The following CASR variants were observed in gnomAD, a reference collection of about 807,000 sequenced individuals.
The protein encoded by CASR is calcium sensing receptor.
A neutral mutation model predicts 69.1 loss-of-function variants in CASR; 23 were observed. The observed-to-expected ratio is 0.33, with a 90% CI of 0.24 to 0.47. The LOEUF is 0.47. Among genes scored for constraint, CASR ranks in the 20% least tolerant of loss-of-function variants. The probability of loss-of-function intolerance (pLI) is 1.00; values close to 1 mark genes in which losing one functional copy is unlikely to be tolerated. For synonymous variants in CASR, 541 were observed against 544.7 expected (o/e 0.99, Z 0.10); for missense variants, 924 against 1,356.1 (o/e 0.68, Z 5.00).
chr3:122,185,088 A>C (rs1395431719), intron 1 of CASR, among the ~76,000 whole-genome samples: 1 of 152,186 alleles, frequency 6.6e-6, no homozygotes, highest in Non-Finnish European at 1.5e-5. Context: ...TGGGGAGAAA[A>C]AAAAAAGGCA....
At position 122,284,136 on chromosome 3, in the gene CASR, G is replaced by T; in HGVS notation, c.2182G>T (p.Val728Phe). The T allele has an allele frequency of 6.2e-7, 1 of 1,613,798 alleles. No homozygotes were observed. Among genetic ancestry groups the T allele is most frequent in the Non-Finnish European group, 8.5e-7 (1 of 1,179,752 alleles). Residue 728 changes from valine to phenylalanine, a missense_variant, in exon 7 of 7, where the codon GTT becomes TTT. Around this residue, in one of 8 missense-constraint regions of CASR, gnomAD observed 184 missense variants for 278.8 expected, o/e 0.66. Coordinates refer to ENST00000639785, the MANE Select transcript of CASR (RefSeq NM_000388.4). ...WWGLNLQFLL[V>F]FLCTFMQIVI... ...GGGGCTCAACCTGCAGTTCCTGCTG[G>T]TTTTCCTCTGCACCTTCATGCAGAT...
intron 1 of CASR, among the ~76,000 whole-genome samples, chr3:122,235,011 G>C (rs2074315850): frequency 6.6e-6 from 1 of 152,194 alleles, no homozygotes; most frequent in Admixed American, 6.5e-5. Context: ...CCCAAAGAAA[G>C]AGCCCCTGAA....
chr3:122,249,740 G>T (rs1349068131), intron 1 of CASR, among the ~76,000 whole-genome samples: 2 of 152,214 alleles, frequency 1.3e-5, no homozygotes, highest in South Asian at 2.1e-4. Context: ...GATTATATAT[G>T]ATTTAAATGG....
At chr3:122,258,918 G>A (rs1178280337) in intron 3 of CASR, among the ~76,000 whole-genome samples, 2 of 152,120 alleles carry the variant, frequency 1.3e-5, no homozygotes, top group African/African-American at 4.8e-5. Context: ...GTGCAGCTGG[G>A]CTGGGAACCA....
At chr3:122,223,522 C>T (rs944475862) in intron 1 of CASR, among the ~76,000 whole-genome samples, 6 of 152,240 alleles carry the variant, frequency 3.9e-5, no homozygotes, top group Admixed American at 2.6e-4. Flanking sequence ...CTTGAACAGA[C>T]CAATAATGAG....
chr3:122,216,859 A>G (rs2074122099), intron 1 of CASR, among the ~76,000 whole-genome samples: 1 of 152,220 alleles, frequency 6.6e-6, no homozygotes, highest in African/African-American at 2.4e-5. Context: ...ATCATGCATA[A>G]TTTACAAATG....
chr3:122,189,958 A>G (rs1317777774), intron 1 of CASR, among the ~76,000 whole-genome samples: 1 of 152,154 alleles, frequency 6.6e-6, no homozygotes, highest in Non-Finnish European at 1.5e-5. Context: ...TTGGGTCCCA[A>G]CTGCATGTCA....
At chr3:122,278,672 T>C (rs1424584537) in intron 5 of CASR, among the ~76,000 whole-genome samples, 3 of 152,202 alleles carry the variant, frequency 2.0e-5, no homozygotes, top group Non-Finnish European at 2.9e-5. Context: ...TCATGGTTGC[T>C]GAAGGATGCA....
chr3:122,244,165 ATAAC>A (rs1429027068), intron 1 of CASR, among the ~76,000 whole-genome samples: 1 of 152,184 alleles, frequency 6.6e-6, no homozygotes, highest in East Asian at 1.9e-4. Context: ...ACATTTTTAA[ATAAC>A]TAAAAGAAAA....
intron 1 of CASR, among the ~76,000 whole-genome samples, chr3:122,233,699 G>A (rs552754941): frequency 6.6e-6 from 1 of 152,124 alleles, no homozygotes; most frequent in African/African-American, 2.4e-5. Flanking sequence ...GGCGGTTGTG[G>A]TATTTCTGTT....
Position 122,262,301 on chromosome 3 carries a change from A to G in CASR, c.1266A>G (p.Leu422=). Residue 422 remains leucine (L), a synonymous_variant, in exon 4 of 7, where the codon TTA becomes TTG. Coordinates refer to ENST00000639785, the MANE Select transcript of CASR (RefSeq NM_000388.4). ...TACGGATATCCTACAATGTGTACTT[A>G]GCAGTCTACTCCATTGCCCACGCCT... ...THLRISYNVY[L]AVYSIAHALQ... 1 of 1,614,158 alleles carries G rather than the reference A, an allele frequency of 6.2e-7. No homozygotes were observed. The highest frequency in any genetic ancestry group is 1.1e-5 in the South Asian group (1 of 91,084).
chr3:122,251,503 C>T (rs773579043), intron 1 of CASR, among the ~76,000 whole-genome samples: 3 of 152,226 alleles, frequency 2.0e-5, no homozygotes, highest in Non-Finnish European at 4.4e-5. Flanking sequence ...TCCTCATTCA[C>T]CCGAAGGCCT....
chr3:122,251,190 G>T (rs1344092412), intron 1 of CASR, among the ~76,000 whole-genome samples: 2 of 152,186 alleles, frequency 1.3e-5, no homozygotes, highest in Admixed American at 6.5e-5. Flanking sequence ...TTCCTAAGGA[G>T]CAAGAGGCAC....
intron 4 of CASR, among the ~76,000 whole-genome samples, chr3:122,263,815 A>G (rs1445817677): frequency 6.6e-6 from 1 of 152,166 alleles, no homozygotes; most frequent in African/African-American, 2.4e-5. Flanking sequence ...AGGTGCTGTA[A>G]TAAAGGTCAG....
Position 122,275,970 on chromosome 3 carries a change from C to T in CASR, c.1536C>T (p.Asn512=), listed in dbSNP as rs887358400. Residue 512 remains asparagine (N), a synonymous_variant, in exon 5 of 7, where the codon AAC becomes AAT. Transcript: ENST00000639785. ...TGTTTAAGGAAGTCGGGTATTACAACGTCTATGCCAAGAAGGGAGAAAGAC... is the reference window on the plus strand; with the variant it reads ...TGTTTAAGGAAGTCGGGTATTACAATGTCTATGCCAAGAAGGGAGAAAGAC... ...SIVFKEVGYY[N]VYAKKGERLF... 6.2e-7 allele frequency: 1 copy of T among 1,614,016 alleles called. No individual in the cohort carries two copies. The highest frequency in any genetic ancestry group is 8.5e-7 in the Non-Finnish European group (1 of 1,179,900).
chr3:122,279,631 C>T (rs2074863616), intron 5 of CASR, among the ~76,000 whole-genome samples: 1 of 152,204 alleles, frequency 6.6e-6, no homozygotes, highest in African/African-American at 2.4e-5. Flanking sequence ...TCAGTAGACA[C>T]AGAAAAAGTA....
Position 122,258,145 on chromosome 3 carries a change from T to C in CASR, c.492+758T>C, listed in dbSNP as rs113366881. ...GAGCAAAGCATTTTTCAGTTTAATA[T>C]TTATAAATCTATGACATCATTTTAT... is the stretch of plus-strand genomic sequence containing the variant. On this transcript the variant is annotated intron_variant, in intron 3 of 6. Transcript: ENST00000639785. Among the ~76,000 whole-genome samples the C allele has an allele frequency of 6.8e-3, 1,043 of 152,344 alleles. 11 individuals are homozygous for C. The highest frequency in any genetic ancestry group is 0.024 in the African/African-American group (993 of 41,576).
chr3:122,223,292 G>A (rs192081845), intron 1 of CASR, among the ~76,000 whole-genome samples: 143 of 152,106 alleles, frequency 9.4e-4, no homozygotes, highest in African/African-American at 3.3e-3. Context: ...AAGTGAGATG[G>A]ATAGGCCACT....
At position 122,259,730 on chromosome 3, in the gene CASR, C is replaced by T. The variant is rs34995411; in HGVS notation, c.493-1798C>T. On this transcript the variant is annotated intron_variant, in intron 3 of 6. Transcript: ENST00000639785. ...CTGCAAGCTCTGCCTCCCGGGTTCA[C>T]GCCATTCTCCTGCCTCAGCCTCCCG... Among the ~76,000 whole-genome samples the T allele has an allele frequency of 3.7e-3, 556 of 149,300 alleles. 5 individuals carry two copies. The highest frequency in any genetic ancestry group is 0.011 in the African/African-American group (458 of 40,788).
Sources: gnomAD v4.1 joint callset for allele counts (sites outside exome capture counted in the v4.1 genomes callset) on GRCh38, gnomAD v4.1.1 for gene constraint, gnomAD v4.1.1 regional missense constraint, MANE v1.5 for transcripts, NCBI Gene and HGNC (gene_info 2026-07-23, HGNC 2026-07-21) for gene names.